The following SUSD3 variants were observed in gnomAD, a reference collection of about 807,000 sequenced individuals.
SUSD3 encodes the protein sushi domain containing 3.
Under a neutral mutation model 20.6 loss-of-function variants are expected in SUSD3, and 18 were observed. The observed-to-expected ratio is 0.87, with a 90% CI of 0.60 to 1.30. The LOEUF (loss-of-function observed/expected upper bound fraction) is 1.30, where lower values mean the gene tolerates loss of function less well. Ranked by LOEUF, SUSD3 falls within the 50% of genes most tolerant of loss-of-function variation. The pLI, the probability that SUSD3 is intolerant of heterozygous loss-of-function variation, is 0.00. For synonymous variants in SUSD3, 137 were observed against 141.5 expected (o/e 0.97, Z 0.23); for missense variants, 306 against 346.9 (o/e 0.88, Z 0.94).
chr9:93,078,017 G>A (rs1418666555), intron 3 of SUSD3, 24 bp downstream of exon 3: 11 of 1,613,954 alleles, frequency 6.8e-6, no homozygotes, highest in South Asian at 1.1e-5. Context: ...ATGATCTCAG[G>A]GTCCTCCCGG....
intron 1 of SUSD3, among the ~76,000 whole-genome samples, chr9:93,060,554 A>G (rs1453599406): frequency 1.3e-5 from 2 of 152,078 alleles, no homozygotes; most frequent in African/African-American, 2.4e-5. Flanking sequence ...ACCACTGACC[A>G]GGAGTGGTGG....
intron 1 of SUSD3, among the ~76,000 whole-genome samples, chr9:93,065,507 G>T (rs4077637): frequency 6.6e-6 from 1 of 152,060 alleles, no homozygotes; most frequent in Non-Finnish European, 1.5e-5. Flanking sequence ...TGCAAGGGCC[G>T]CAGTGGGCTG....
rs558038190 is a variant in SUSD3, at chr9:93,073,313, C to T, written c.89-2471C>T. On this transcript the variant is annotated intron_variant, in intron 1 of 4. Transcript: ENST00000375472. The stretch of plus-strand genomic sequence containing the variant: ...CCAGGCTGGAGTGCAGTGGTGCAAT[C>T]TCGGCTCACTGCAAGCTCTGCCTCC... Among the ~76,000 whole-genome samples the T allele has an allele frequency of 4.8e-5, 7 of 145,544 alleles. No homozygotes were observed. The South Asian group carries it at 1.5e-3, about 32-fold the overall frequency.
chr9:93,065,758 C>T (rs1453028774), intron 1 of SUSD3, among the ~76,000 whole-genome samples: 1 of 152,248 alleles, frequency 6.6e-6, no homozygotes, highest in Non-Finnish European at 1.5e-5. Context: ...ACGACTCTTG[C>T]CTGTGAGGTG....
At chr9:93,072,690 A>C (rs1333765904) in intron 1 of SUSD3, among the ~76,000 whole-genome samples, 1 of 152,200 alleles carries the variant, frequency 6.6e-6, no homozygotes, top group East Asian at 1.9e-4. Context: ...AGCCCACGTG[A>C]CTGCTCCTGG....
chr9:93,067,439 C>G (rs144620777), intron 1 of SUSD3, among the ~76,000 whole-genome samples: 153 of 152,280 alleles, frequency 1.0e-3, no homozygotes, highest in Non-Finnish European at 2.0e-3. Context: ...GGCTGATTAC[C>G]TAGCAGTGGA....
intron 1 of SUSD3, among the ~76,000 whole-genome samples, chr9:93,068,767 T>A (rs1171783728): frequency 6.6e-6 from 1 of 152,178 alleles, no homozygotes; most frequent in African/African-American, 2.4e-5. Context: ...ATACAGTAGA[T>A]TCAATGAATA....
Position 93,077,830 on chromosome 9 carries a change from G to A in SUSD3, c.278-16G>A, listed in dbSNP as rs1432782862. ...GGCAAACCTCGCCCAGGAGCTGGTG[G>A]TTGTCTCCCACACAGTGGTGCCACC... On this transcript the variant is annotated splice_polypyrimidine_tract_variant and intron_variant, in intron 2 of 4. Transcript: ENST00000375472. 6.2e-7 allele frequency: 1 copy of A among 1,613,938 alleles called. No individual in the cohort carries two copies. Among genetic ancestry groups the A allele is most frequent in the Non-Finnish European group, 8.5e-7 (1 of 1,179,884 alleles).
chr9:93,061,190 C>T (rs1825492892), intron 1 of SUSD3, among the ~76,000 whole-genome samples: 1 of 152,212 alleles, frequency 6.6e-6, no homozygotes, highest in African/African-American at 2.4e-5. Context: ...CGTGGAAGGG[C>T]CTTGGAGGAA....
chr9:93,075,741 C>G, intron 1 of SUSD3, 43 bp from the exon 2 acceptor site: 2 of 69,344 alleles, frequency 2.9e-5, no homozygotes, highest in South Asian at 3.4e-4. Flanking sequence ...TGCGTGCCCA[C>G]CCCCCCCCCC....
chr9:93,064,711 AAC>A lies in SUSD3; in HGVS notation c.88+5886_88+5887del, dbSNP rs568726206. Among the ~76,000 whole-genome samples the A allele has an allele frequency of 1.2e-4, 18 of 152,246 alleles. No individual in the cohort carries two copies. In the South Asian group the frequency reaches 3.7e-3, roughly 32 times the overall value. ...CAGGGGGAGGAGCTGCTCCTTCTAA[AAC>A]ACACTTAGAGGAAGTCAGCTGTGGA... On this transcript the variant is annotated intron_variant, in intron 1 of 4. Transcript: ENST00000375472.
intron 1 of SUSD3, among the ~76,000 whole-genome samples, chr9:93,059,283 A>G (rs944842990): frequency 3.3e-5 from 5 of 152,158 alleles, no homozygotes; most frequent in Non-Finnish European, 5.9e-5. Context: ...CTTGGTGACC[A>G]GCGCAGCTCC....
At chr9:93,084,397 A>G (rs562268164) in intron 4 of SUSD3, 140 bp from the exon 5 acceptor site, 91 of 702,606 alleles carry the variant, frequency 1.3e-4, no homozygotes, top group Non-Finnish European at 1.7e-4. Context: ...AGCTCCCAGC[A>G]GGAGGAAACG....
At chr9:93,075,735 T>TCCCCCCCCCCCC in intron 1 of SUSD3, 49 bp from the exon 2 acceptor site, 11 of 247,428 alleles carry the variant, frequency 4.4e-5, no homozygotes, top group Non-Finnish European at 5.9e-5. Flanking sequence ...CTGCCCTGCG[T>TCCCCCCCCCCCC]GCCCACCCCC....
intron 1 of SUSD3, among the ~76,000 whole-genome samples, chr9:93,059,925 C>T (rs1186839688): frequency 6.6e-6 from 1 of 152,170 alleles, no homozygotes; most frequent in Non-Finnish European, 1.5e-5. Context: ...TCCAGAGTCC[C>T]TAATTTGGTG....
chr9:93,075,582 A>T (rs571627009), intron 1 of SUSD3, among the ~76,000 whole-genome samples: 1 of 151,528 alleles, frequency 6.6e-6, no homozygotes, highest in Non-Finnish European at 1.5e-5. Context: ...AGTGTACTTC[A>T]TGGAGGGATC....
At chr9:93,080,851 G>T (rs1447210010) in intron 4 of SUSD3, among the ~76,000 whole-genome samples, 3 of 152,248 alleles carry the variant, frequency 2.0e-5, no homozygotes, top group Non-Finnish European at 4.4e-5. Flanking sequence ...CAGGGATGAG[G>T]ATGAGCTGTT....
Position 93,075,863 on chromosome 9 carries a change from G to A in SUSD3, c.168G>A (p.Val56=), listed in dbSNP as rs1381472068. Residue 56 remains valine (V), a synonymous_variant, in exon 2 of 5, where the codon GTG becomes GTA. Coordinates refer to ENST00000375472, the MANE Select transcript of SUSD3 (RefSeq NM_145006.4). The stretch of plus-strand genomic sequence containing the variant: ...GCAATGGTGCTTCCGTGGGGACCGT[G>A]CTCATGTTCCGCTGCCCCTCCAACC... ...LRGNGASVGT[V]LMFRCPSNHQ... 4 of 1,613,866 alleles carry A rather than the reference G, an allele frequency of 2.5e-6. No individual in the cohort carries two copies. The highest frequency in any genetic ancestry group is 3.4e-6 in the Non-Finnish European group (4 of 1,180,000).
rs193270902 is a variant in SUSD3 at position 93,067,144 on chromosome 9, C to G, written c.88+8314C>G. Among the ~76,000 whole-genome samples, 24 of 152,324 alleles carry G rather than the reference C, an allele frequency of 1.6e-4. No homozygotes were observed. The East Asian group carries it at 4.6e-3, about 29-fold the overall frequency. On this transcript the variant is annotated intron_variant, in intron 1 of 4. Coordinates refer to ENST00000375472, the MANE Select transcript of SUSD3 (RefSeq NM_145006.4). ...CTTTCTGTCTCTGGATTTGCCTGTTCTGGACATTTCATATGAGTGTCATCA... is the reference window on the plus strand; with the variant it reads ...CTTTCTGTCTCTGGATTTGCCTGTTGTGGACATTTCATATGAGTGTCATCA...
Sources: allele counts gnomAD v4.1 joint callset (sites outside exome capture counted in the v4.1 genomes callset), GRCh38; gene constraint gnomAD v4.1.1; transcripts MANE v1.5; gene names NCBI Gene and HGNC (gene_info 2026-07-23, HGNC 2026-07-21).